The following SPOCK3 variants were observed in gnomAD, a reference collection of about 807,000 sequenced individuals.
SPOCK3 encodes the protein SPARC (osteonectin), cwcv and kazal like domains proteoglycan 3, also known as testican-3.
Under a neutral mutation model 56.6 loss-of-function variants are expected in SPOCK3, and 30 were observed. The observed-to-expected ratio is 0.53, with a 90% confidence interval of 0.40 to 0.72. The LOEUF (loss-of-function observed/expected upper bound fraction) is 0.72, where lower values mean the gene tolerates loss of function less well. Among genes scored for constraint, SPOCK3 ranks in the 30% least tolerant of loss-of-function variants. The pLI, the probability that SPOCK3 is intolerant of heterozygous loss-of-function variation, is 0.00. For synonymous variants in SPOCK3, 196 were observed against 183.3 expected (o/e 1.07, Z -0.56); for missense variants, 527 against 530.0 (o/e 0.99, Z 0.06).
At chr4:166,800,732 A>G (rs1322628003) in intron 6 of SPOCK3, among the ~76,000 whole-genome samples, 1 of 152,208 alleles carries the variant, frequency 6.6e-6, no homozygotes. Flanking sequence ...AAAGTTTATA[A>G]AGTAAAAAAG....
Position 166,756,023 on chromosome 4 carries a change from T to G in SPOCK3, c.710-1294A>C, listed in dbSNP as rs12509133. Among the ~76,000 whole-genome samples the G allele has an allele frequency of 5.6e-5, 2 of 35,600 alleles. 1 individual carries two copies. The highest frequency in any genetic ancestry group is 1.2e-4 in the Non-Finnish European group (2 of 16,132). The allele number at this position is 35,600 out of a possible 152,430, so 23.4% of individuals were successfully genotyped here. On this transcript the variant is annotated intron_variant, in intron 7 of 10. Coordinates refer to ENST00000357545, the MANE Select transcript of SPOCK3 (RefSeq NM_001040159.2). Reference sequence around the variant, plus strand: ...GCCAGACAGTGGGCGCAGGCCAGTGTGTGTGCGCACCGTGCGCGAGCCGAA... The same window carrying G: ...GCCAGACAGTGGGCGCAGGCCAGTGGGTGTGCGCACCGTGCGCGAGCCGAA...
chr4:167,202,355 G>C (rs1038786676), intron 2 of SPOCK3, among the ~76,000 whole-genome samples: 2 of 151,842 alleles, frequency 1.3e-5, no homozygotes, highest in African/African-American at 4.8e-5. Flanking sequence ...TCTTTATAAA[G>C]GTTTATATAG....
intron 2 of SPOCK3, among the ~76,000 whole-genome samples, chr4:167,154,121 AT>A (rs1353892786): frequency 1.3e-5 from 2 of 152,136 alleles, no homozygotes; most frequent in Non-Finnish European, 2.9e-5. Context: ...AATCCCAAGT[AT>A]GTTATTATGT....
chr4:167,084,229 T>C (rs1381334023), intron 2 of SPOCK3, among the ~76,000 whole-genome samples: 3 of 152,100 alleles, frequency 2.0e-5, no homozygotes, highest in Non-Finnish European at 4.4e-5. Flanking sequence ...GAAAAAATGA[T>C]ATAGTTGATC....
rs558253013 is a variant in SPOCK3, at chr4:167,217,144, A to G, written c.189+16841T>C. On this transcript the variant is annotated intron_variant, in intron 2 of 10. Coordinates refer to ENST00000357545, the MANE Select transcript of SPOCK3 (RefSeq NM_001040159.2). The stretch of plus-strand genomic sequence containing the variant: ...TTTTATTAATGAATGTAAACTTTAA[A>G]AAGAATTAAACAAAAGTTTGTTAAA... Among the ~76,000 whole-genome samples, 156 of 152,250 alleles carry G rather than the reference A, an allele frequency of 1.0e-3. 1 individual carries two copies. The highest frequency in any genetic ancestry group is 3.6e-3 in the African/African-American group (148 of 41,564).
chr4:166,765,734 G>A (rs181829619), intron 7 of SPOCK3, among the ~76,000 whole-genome samples: 31 of 152,202 alleles, frequency 2.0e-4, no homozygotes, highest in Non-Finnish European at 4.1e-4. Context: ...AAAGTCATTG[G>A]TAGCTTGATG....
At chr4:166,987,476 C>T (rs9996703) in intron 4 of SPOCK3, among the ~76,000 whole-genome samples, 1,833 of 152,232 alleles carry the variant, frequency 0.012, 40 homozygotes, top group African/African-American at 0.042. Context: ...CTGTCTTCCA[C>T]TCCAAAATGT....
At chr4:167,035,179 TC>T (rs2150188374) in intron 3 of SPOCK3, among the ~76,000 whole-genome samples, 1 of 152,192 alleles carries the variant, frequency 6.6e-6, no homozygotes, top group African/African-American at 2.4e-5. Flanking sequence ...GGGATAAAGG[TC>T]AAAGGACAAA....
intron 4 of SPOCK3, among the ~76,000 whole-genome samples, chr4:166,991,363 T>TTATG (rs2051632481): frequency 6.7e-6 from 1 of 150,334 alleles, no homozygotes; most frequent in South Asian, 2.1e-4. Context: ...ATTTATTTAT[T>TTATG]TATTTATTTA....
intron 4 of SPOCK3, among the ~76,000 whole-genome samples, chr4:166,932,066 T>C (rs1269479854): frequency 6.6e-6 from 1 of 152,216 alleles, no homozygotes; most frequent in Non-Finnish European, 1.5e-5. Context: ...GTTATTACCA[T>C]TATTGCTTTC....
intron 3 of SPOCK3, among the ~76,000 whole-genome samples, chr4:167,049,275 T>A (rs1370444790): frequency 2.0e-5 from 3 of 152,114 alleles, no homozygotes; most frequent in Non-Finnish European, 4.4e-5. Flanking sequence ...CAAAACTGAA[T>A]TATAAAATAT....
chr4:166,857,794 C>T (rs946144699), intron 6 of SPOCK3, among the ~76,000 whole-genome samples: 1 of 152,214 alleles, frequency 6.6e-6, no homozygotes, highest in Non-Finnish European at 1.5e-5. Flanking sequence ...AGGCTAACCA[C>T]AGTCCTTCAG....
intron 7 of SPOCK3, among the ~76,000 whole-genome samples, chr4:166,755,558 A>G (rs1263215693): frequency 2.0e-5 from 3 of 152,114 alleles, no homozygotes; most frequent in Non-Finnish European, 2.9e-5. Flanking sequence ...GAGCTCTCAT[A>G]TGTATGTTGC....
chr4:167,152,161 C>T (rs772288808), intron 2 of SPOCK3, among the ~76,000 whole-genome samples: 71 of 152,172 alleles, frequency 4.7e-4, no homozygotes, highest in South Asian at 8.3e-4. Flanking sequence ...AAAATAACAC[C>T]GTGCGTCCTA....
rs554077573 is a variant in SPOCK3 at position 166,862,031 on chromosome 4, T to C, written c.589+27099A>G. 1.5e-4 allele frequency among the ~76,000 whole-genome samples: 23 copies of C among 152,242 alleles called. 1 individual carries two copies. The highest frequency in any genetic ancestry group is 3.4e-3 in the Middle Eastern group (1 of 294). ...ATCTGAATGATGGCATTTTGTTCAATAGATATTTTGCTTAATCAAATTAAG... is the reference window on the plus strand; with the variant it reads ...ATCTGAATGATGGCATTTTGTTCAACAGATATTTTGCTTAATCAAATTAAG... On this transcript the variant is annotated intron_variant, in intron 6 of 10. Coordinates refer to ENST00000357545, the MANE Select transcript of SPOCK3 (RefSeq NM_001040159.2).
chr4:166,749,493 G>T (rs1422009010), intron 8 of SPOCK3, among the ~76,000 whole-genome samples: 1 of 151,850 alleles, frequency 6.6e-6, no homozygotes, highest in Admixed American at 6.6e-5. Flanking sequence ...ATGGTGCGGT[G>T]GGGGGAGCGG....
chr4:167,053,882 A>G (rs1431666079), intron 3 of SPOCK3, among the ~76,000 whole-genome samples: 1 of 152,038 alleles, frequency 6.6e-6, no homozygotes, highest in Non-Finnish European at 1.5e-5. Flanking sequence ...AACATCCCCA[A>G]AAACGTGGAG....
At chr4:166,942,049 T>C (rs1221639350) in intron 4 of SPOCK3, among the ~76,000 whole-genome samples, 1 of 152,226 alleles carries the variant, frequency 6.6e-6, no homozygotes, top group East Asian at 1.9e-4. Flanking sequence ...AAAACTGTTA[T>C]AATGCCATTT....
At chr4:167,032,881 A>G (rs6827658) in intron 3 of SPOCK3, among the ~76,000 whole-genome samples, 54,894 of 151,714 alleles carry the variant, frequency 0.36, 12,317 homozygotes, top group African/African-American at 0.64. Flanking sequence ...TGCTAATGAG[A>G]CAATGAGTAC....
Sources: allele counts gnomAD v4.1 joint callset (sites outside exome capture counted in the v4.1 genomes callset), GRCh38; gene constraint gnomAD v4.1.1; transcripts MANE v1.5; gene names NCBI Gene and HGNC (gene_info 2026-07-23, HGNC 2026-07-21).